MYOM3: variants seen among roughly 807,000 people sequenced by gnomAD.
The protein encoded by MYOM3 is myomesin 3.
A neutral mutation model predicts 191.7 loss-of-function variants in MYOM3; 155 were observed. That is an observed-to-expected ratio of 0.81 (90% CI 0.71 to 0.92). The LOEUF is 0.92. Ranked by LOEUF, MYOM3 falls within the 40% of genes least tolerant of loss-of-function variation. MYOM3 has a pLI of 0.00. For synonymous variants in MYOM3, 757 were observed against 762.9 expected (o/e 0.99, Z 0.13); for missense variants, 1,889 against 1,890.6 (o/e 1.00, Z 0.02).
chr1:24,098,154 C>G (rs1643888547), intron 6 of MYOM3, 143 bp from the exon 7 acceptor site: 1 of 651,170 alleles, frequency 1.5e-6, no homozygotes, highest in Middle Eastern at 2.6e-4. Flanking sequence ...CTCTGAAAAG[C>G]TGTGTGTTTT....
chr1:24,089,839 C>T (rs1643793379), intron 13 of MYOM3, among the ~76,000 whole-genome samples, 174 bp from the exon 14 acceptor site: 1 of 152,188 alleles, frequency 6.6e-6, no homozygotes, highest in African/African-American at 2.4e-5. Flanking sequence ...GAACCCAGGT[C>T]TCCCACTGCT....
chr1:24,093,017 C>G lies in MYOM3; in HGVS notation c.1020G>C (p.Glu340Asp). Residue 340 changes from glutamate (E) to aspartate (D), a missense_variant, in exon 10 of 37, where the codon GAG (glutamate) becomes GAC (aspartate). Transcript: ENST00000374434. ...LKVSCTYKED[E>D]GLYMVRVPSP... Reference sequence around the variant, plus strand: ...AGGGCACCCGGACCATGTAGAGCCCCTCGTCCTCCTTGTAGGTGCAGGACA... The same window carrying G: ...AGGGCACCCGGACCATGTAGAGCCCGTCGTCCTCCTTGTAGGTGCAGGACA... 1.9e-6 allele frequency: 3 copies of G among 1,613,040 alleles called. No individual in the cohort carries two copies. The highest frequency in any genetic ancestry group is 1.7e-6 in the Non-Finnish European group (2 of 1,179,774).
Position 24,093,953 on chromosome 1 carries a change from C to T in MYOM3, c.929-845G>A, listed in dbSNP as rs139937546. On this transcript the variant is annotated intron_variant, in intron 9 of 36. Transcript: ENST00000374434. ...GTCGTCCTCCTCCCTCACTGGGCCA[C>T]GTCTTCCTGCCTTGGCTCTGACCAG... Among the ~76,000 whole-genome samples the T allele has an allele frequency of 3.6e-3, 542 of 152,184 alleles. 3 individuals carry two copies. Among genetic ancestry groups the T allele is most frequent in the African/African-American group, 0.012 (510 of 41,512 alleles).
At chr1:24,073,272 G>T (rs1177599137) in intron 23 of MYOM3, among the ~76,000 whole-genome samples, 1 of 152,126 alleles carries the variant, frequency 6.6e-6, no homozygotes, top group African/African-American at 2.4e-5. Context: ...AAAATCAAAA[G>T]GCCCCATGTG....
Position 24,065,891 on chromosome 1 carries a change from C to G in MYOM3, c.3534G>C (p.Glu1178Asp). The change falls in exon 29 of 37, where the codon GAG (glutamate) becomes GAC (aspartate). Residue 1178 changes from glutamate to aspartate, a missense_variant and splice_region_variant. Physicochemically the swap from Glu to Asp is conservative, Grantham distance 45. Transcript: ENST00000374434. ...ETGTGLLCIEELSKKDKGIYR... is the reference protein window; with the variant it reads ...ETGTGLLCIEDLSKKDKGIYR... ...GCCCTGAAGCTGGAGCCACACTTGC[C>G]TCTTCAATGCAGAGAAGTCCCGTTC... 4.4e-6 allele frequency: 7 copies of G among 1,603,196 alleles called. No individual in the cohort carries two copies. Among genetic ancestry groups the G allele is most frequent in the Non-Finnish European group, 5.1e-6 (6 of 1,170,042 alleles).
At chr1:24,066,990 G>A in intron 28 of MYOM3, 31 bp downstream of exon 28, 9 of 1,549,758 alleles carry the variant, frequency 5.8e-6, no homozygotes, top group Non-Finnish European at 7.9e-6. Flanking sequence ...CCCCTGCACT[G>A]GGCCTGGGGG....
At chr1:24,073,059 G>A (rs925373013) in intron 23 of MYOM3, among the ~76,000 whole-genome samples, 8 of 152,152 alleles carry the variant, frequency 5.3e-5, no homozygotes, top group Non-Finnish European at 1.0e-4. Flanking sequence ...CATCATTTTC[G>A]TGGATGGCTT....
chr1:24,057,665 T>C (rs1471270011), intron 36 of MYOM3, 38 bp from the exon 37 acceptor site: 1 of 1,596,454 alleles, frequency 6.3e-7, no homozygotes, highest in Non-Finnish European at 8.6e-7. Context: ...TCTCACCTCC[T>C]TGTAACTTGA....
chr1:24,061,287 T>C lies in MYOM3; in HGVS notation c.3957A>G (p.Glu1319=). The stretch of plus-strand genomic sequence containing the variant: ...AGGAAACTTACTTCAGTCTCTGGTG[T>C]TCAGCCATTGCATCCTCAAAAGCTA... ...SGQAFEDAMA[E]HQRLKTLAII... Residue 1319 remains glutamate (E), a synonymous_variant, in exon 34 of 37, where the codon GAA becomes GAG. Transcript: ENST00000374434. 6.2e-7 allele frequency: 1 copy of C among 1,614,100 alleles called. No homozygotes were observed. The highest frequency in any genetic ancestry group is 8.5e-7 in the Non-Finnish European group (1 of 1,180,004).
In MYOM3 at chr1:24,063,960, C is replaced by A; in HGVS notation, c.3622+112G>T. 1 of 832,624 alleles carries A rather than the reference C, an allele frequency of 1.2e-6. No homozygotes were observed. Among genetic ancestry groups the A allele is most frequent in the East Asian group, 2.5e-5 (1 of 40,212 alleles). 51.6% of individuals were successfully genotyped at this position (832,624 alleles called of 1,614,324 possible). A position where few individuals can be genotyped will look rare whatever the true frequency, so the allele number is the denominator to read the frequency against. ...GGGCAAGTTACTTAATCTCTTTGTG[C>A]CTCAATTTCTCCAAGTGACATGGGG... On this transcript the variant is annotated intron_variant, in intron 30 of 36. Coordinates refer to ENST00000374434, the MANE Select transcript of MYOM3 (RefSeq NM_152372.4). The surrounding 1 kb of genome is among the most constrained non-coding windows in gnomAD (Gnocchi z 4.5).
At chr1:24,080,223 G>A in intron 19 of MYOM3, 29 bp from the exon 20 acceptor site, 1 of 1,573,488 alleles carries the variant, frequency 6.4e-7, no homozygotes, top group Non-Finnish European at 8.7e-7. Flanking sequence ...GGGAAGAGAT[G>A]TGTGAGTTGG....
chr1:24,093,433 C>A (rs1197473825), intron 9 of MYOM3, among the ~76,000 whole-genome samples: 1 of 151,892 alleles, frequency 6.6e-6, no homozygotes, highest in African/African-American at 2.4e-5. Context: ...AGAGATGGGT[C>A]CCTGTATGGG....
chr1:24,097,118 G>T (rs1643882241), intron 7 of MYOM3, among the ~76,000 whole-genome samples: 1 of 152,208 alleles, frequency 6.6e-6, no homozygotes, highest in South Asian at 2.1e-4. Context: ...TCCAGGAGGG[G>T]CCCAAGCCCA....
chr1:24,107,917 G>T, intron 3 of MYOM3, 76 bp downstream of exon 3: 1 of 1,297,560 alleles, frequency 7.7e-7, no homozygotes, highest in Non-Finnish European at 1.1e-6. Context: ...GGGGTGAAAG[G>T]CCAGCAGGGA....
intron 35 of MYOM3, among the ~76,000 whole-genome samples, chr1:24,060,031 C>A (rs374098260): frequency 6.6e-6 from 1 of 152,236 alleles, no homozygotes; most frequent in East Asian, 1.9e-4. Flanking sequence ...TTTCCTTCAG[C>A]TCTGATGCCA....
At chr1:24,105,199 G>A (rs1334447027) in intron 5 of MYOM3, among the ~76,000 whole-genome samples, 3 of 152,138 alleles carry the variant, frequency 2.0e-5, no homozygotes, top group Admixed American at 1.3e-4. Context: ...TTTCCATGCT[G>A]TTGTGGCGTT....
At chr1:24,109,673 A>G (rs1354881530) in intron 1 of MYOM3, among the ~76,000 whole-genome samples, 1 of 152,224 alleles carries the variant, frequency 6.6e-6, no homozygotes. Flanking sequence ...AGTCCCTGCA[A>G]TAACCCAAAT....
intron 5 of MYOM3, 35 bp from the exon 6 acceptor site, chr1:24,099,810 G>T (rs1272129384): frequency 6.6e-7 from 1 of 1,519,472 alleles, no homozygotes; most frequent in Non-Finnish European, 9.1e-7. Flanking sequence ...CAGGCAGGGT[G>T]GTTCTAAGCG....
chr1:24,065,784 C>T (rs1276234011), intron 29 of MYOM3, 107 bp downstream of exon 29: 1 of 844,400 alleles, frequency 1.2e-6, no homozygotes, highest in African/African-American at 1.7e-5. Context: ...GCCTCACTTG[C>T]ATCAACCTAG....
Sources: gnomAD v4.1 joint callset for allele counts (sites outside exome capture counted in the v4.1 genomes callset) on GRCh38, gnomAD v4.1.1 for gene constraint, Gnocchi (gnomAD v3.1) non-coding constraint, MANE v1.5 for transcripts, NCBI Gene and HGNC (gene_info 2026-07-23, HGNC 2026-07-21) for gene names.